Variants in TBC1D15 observed in about 807,000 individuals in gnomAD.
The protein encoded by TBC1D15 is TBC1 domain family member 15, also known as GAP for RAB7.
Under a neutral mutation model 95.4 loss-of-function variants are expected in TBC1D15, and 39 were observed. The observed-to-expected ratio is 0.41, with a 90% CI of 0.32 to 0.53. TBC1D15 has a LOEUF of 0.53. Among genes scored for constraint, TBC1D15 ranks in the 20% least tolerant of loss-of-function variants. The probability of loss-of-function intolerance (pLI) is 0.29; values close to 1 mark genes in which losing one functional copy is unlikely to be tolerated. For synonymous variants in TBC1D15, 258 were observed against 261.3 expected, an observed-to-expected ratio of 0.99 and a Z score of 0.12; for missense variants, 733 against 794.3, an observed-to-expected ratio of 0.92 and a Z score of 0.93.
intron 1 of TBC1D15, chr12:71,849,179 CAAAAA>C (rs1015053782): frequency 7.5e-5 from 14 of 187,262 alleles, no homozygotes; most frequent in Non-Finnish European, 1.3e-4. Flanking sequence ...AAAAAAAAAA[CAAAAA>C]AAAAACAAAA....
At chr12:71,855,705 A>G (rs919782897) in intron 1 of TBC1D15, among the ~76,000 whole-genome samples, 10 of 151,194 alleles carry the variant, frequency 6.6e-5, no homozygotes, top group African/African-American at 9.7e-5. Flanking sequence ...ACGTTTGCCA[A>G]TAACTCCAGA....
intron 10 of TBC1D15, among the ~76,000 whole-genome samples, chr12:71,902,304 G>A (rs1056071689): frequency 4.6e-5 from 7 of 152,220 alleles, no homozygotes; most frequent in Admixed American, 1.3e-4. Flanking sequence ...AGTTGGAGGC[G>A]TCATACTACC....
intron 10 of TBC1D15, among the ~76,000 whole-genome samples, chr12:71,901,168 G>T (rs574943768): frequency 1.3e-5 from 2 of 151,996 alleles, no homozygotes; most frequent in Non-Finnish European, 2.9e-5. Context: ...CTGCATGCAC[G>T]CACCATCACA....
At chr12:71,886,245 T>C (rs1896195283) in intron 5 of TBC1D15, among the ~76,000 whole-genome samples, 1 of 152,200 alleles carries the variant, frequency 6.6e-6, no homozygotes, top group South Asian at 2.1e-4. Flanking sequence ...CTTGGCTCAC[T>C]GCAACCTCTG....
chr12:71,886,026 G>A (rs572004854), intron 5 of TBC1D15, among the ~76,000 whole-genome samples: 7 of 152,326 alleles, frequency 4.6e-5, no homozygotes, highest in Admixed American at 1.3e-4. Context: ...GGTTCTTCCA[G>A]TTATCCAGGT....
Position 71,897,880 on chromosome 12 carries a change from A to G in TBC1D15, c.1122A>G (p.Lys374=), listed in dbSNP as rs766013819. 16 of 1,612,746 alleles carry G rather than the reference A, an allele frequency of 9.9e-6. No individual in the cohort carries two copies. The South Asian group carries it at 1.8e-4, about 18-fold the overall frequency. ...DEYFRMKLQW[K]SISQEQEKRN... is the part of the protein sequence containing the mutation. ...ACTTCAGAATGAAACTGCAGTGGAA[A>G]TCCATCAGCCAGGAACAAGAGAAAA... Residue 374 remains lysine, a synonymous_variant, in exon 10 of 17, where the codon AAA becomes AAG. Transcript: ENST00000485960.
chr12:71,884,671 C>T (rs1283981695), intron 4 of TBC1D15, 140 bp from the exon 5 acceptor site: 2 of 634,208 alleles, frequency 3.2e-6, no homozygotes, highest in Non-Finnish European at 5.4e-6. Context: ...ATATCTAATA[C>T]AGGTGGAAGC....
At chr12:71,841,869 A>G (rs564890200) in intron 1 of TBC1D15, among the ~76,000 whole-genome samples, 16 of 152,310 alleles carry the variant, frequency 1.1e-4, no homozygotes, top group African/African-American at 3.6e-4. Flanking sequence ...TAATAATGAA[A>G]GCTGGTTAAT....
At chr12:71,893,672 G>A (rs1026271337) in intron 6 of TBC1D15, among the ~76,000 whole-genome samples, 1 of 151,678 alleles carries the variant, frequency 6.6e-6, no homozygotes, top group Non-Finnish European at 1.5e-5. Context: ...ATTAATGATC[G>A]GTTTAGGCAA....
At chr12:71,856,218 G>A (rs1172331872) in intron 1 of TBC1D15, among the ~76,000 whole-genome samples, 1 of 152,050 alleles carries the variant, frequency 6.6e-6, no homozygotes, top group African/African-American at 2.4e-5. Context: ...TTGTTCCCTT[G>A]TAAAATATCT....
intron 1 of TBC1D15, among the ~76,000 whole-genome samples, chr12:71,869,106 GACA>G (rs1020716503): frequency 2.6e-5 from 4 of 152,072 alleles, no homozygotes; most frequent in African/African-American, 4.8e-5. Flanking sequence ...ACTTTTTTGT[GACA>G]ACAGCAGCTA....
At chr12:71,906,902 A>G in intron 10 of TBC1D15, 120 bp from the exon 11 acceptor site, 1 of 509,812 alleles carries the variant, frequency 2.0e-6, no homozygotes, top group Non-Finnish European at 3.4e-6. Context: ...TTCTTCATTA[A>G]GTAAAGCTTG....
chr12:71,854,964 A>T (rs1888691706), intron 1 of TBC1D15: 6 of 415,586 alleles, frequency 1.4e-5, no homozygotes, highest in Admixed American at 1.1e-4. Flanking sequence ...TTTGTGTATT[A>T]GTCCGTTATC....
intron 1 of TBC1D15, among the ~76,000 whole-genome samples, chr12:71,856,453 A>G (rs753735607): frequency 7.9e-5 from 12 of 151,894 alleles, no homozygotes; most frequent in South Asian, 2.1e-4. Context: ...AGTCTCCAAC[A>G]TGTTGCATGT....
chr12:71,848,296 A>G (rs1393995002), intron 1 of TBC1D15, among the ~76,000 whole-genome samples: 1 of 152,164 alleles, frequency 6.6e-6, no homozygotes, highest in African/African-American at 2.4e-5. Context: ...GTAGTGTTTT[A>G]TATTTCCACT....
chr12:71,921,218 T>C (rs1367048060), intron 15 of TBC1D15, 150 bp from the exon 16 acceptor site: 5 of 428,452 alleles, frequency 1.2e-5, no homozygotes, highest in African/African-American at 1.0e-4. Flanking sequence ...GAAAGATATA[T>C]TGAATTTCTT....
chr12:71,890,568 A>G (rs143217354), intron 5 of TBC1D15, among the ~76,000 whole-genome samples: 1 of 152,280 alleles, frequency 6.6e-6, no homozygotes, highest in East Asian at 1.9e-4. Context: ...TTACAGGAGC[A>G]GGGCCTTACC....
intron 1 of TBC1D15, among the ~76,000 whole-genome samples, 153 bp from the exon 2 acceptor site, chr12:71,871,917 A>G (rs1298455570): frequency 1.3e-5 from 2 of 152,234 alleles, no homozygotes; most frequent in Non-Finnish European, 2.9e-5. Flanking sequence ...AAGTGCTGTT[A>G]ACTCTGAGAG....
At chr12:71,915,714 C>T (rs1272420111) in intron 12 of TBC1D15, among the ~76,000 whole-genome samples, 2 of 152,054 alleles carry the variant, frequency 1.3e-5, no homozygotes, top group African/African-American at 2.4e-5. Context: ...TAAATGCTCT[C>T]TGTGTTTGCC....
Sources: gnomAD v4.1 joint callset for allele counts (sites outside exome capture counted in the v4.1 genomes callset) on GRCh38, gnomAD v4.1.1 for gene constraint, MANE v1.5 for transcripts, NCBI Gene and HGNC (gene_info 2026-07-23, HGNC 2026-07-21) for gene names.